The following MED27 variants were observed in gnomAD, a reference collection of about 807,000 sequenced individuals.
MED27 encodes the protein mediator complex subunit 27, also known as mediator of RNA polymerase II transcription subunit 27.
A neutral mutation model predicts 38.2 loss-of-function variants in MED27; 30 were observed. The ratio of observed to expected loss-of-function variants is 0.79; its 90% CI spans 0.59 to 1.07. The LOEUF is 1.07. Ranked by LOEUF, MED27 falls within the 50% of genes least tolerant of loss-of-function variation. MED27 has a pLI of 0.00. For missense variants in MED27, 289 were observed against 397.5 expected (o/e 0.73, Z 2.32); for synonymous variants, 122 against 153.5 (o/e 0.79, Z 1.52).
In MED27 at chr9:132,038,063, A is replaced by G. The variant is rs895074365; in HGVS notation, c.349-23596T>C. ...GTCATCTACAGCAGTACAAGCTGCT[A>G]TTCTACTTTTTTTTTTTAAGGCCCC... On this transcript the variant is annotated intron_variant, in intron 2 of 7. Coordinates refer to ENST00000292035, the MANE Select transcript of MED27 (RefSeq NM_004269.4). Among the ~76,000 whole-genome samples the G allele has an allele frequency of 3.3e-5, 5 of 151,496 alleles. No homozygotes were observed. The South Asian group carries it at 1.0e-3, about 32-fold the overall frequency.
At chr9:132,050,022 T>A (rs974340576) in intron 2 of MED27, among the ~76,000 whole-genome samples, 1 of 151,832 alleles carries the variant, frequency 6.6e-6, no homozygotes, top group South Asian at 2.1e-4. Flanking sequence ...AAATATAACA[T>A]GGGATGGGCC....
intron 3 of MED27, among the ~76,000 whole-genome samples, chr9:131,972,933 C>T (rs1374552432): frequency 6.6e-6 from 1 of 152,198 alleles, no homozygotes; most frequent in African/African-American, 2.4e-5. Context: ...CCTGTAAACC[C>T]AACTATTTCC....
At chr9:131,909,419 T>C (rs1021021422) in intron 4 of MED27, among the ~76,000 whole-genome samples, 1 of 152,150 alleles carries the variant, frequency 6.6e-6, no homozygotes, top group Non-Finnish European at 1.5e-5. Flanking sequence ...GCAGCATTAG[T>C]GTGGACTCTG....
intron 4 of MED27, among the ~76,000 whole-genome samples, chr9:131,939,012 G>A (rs1015247309): frequency 2.0e-5 from 3 of 152,132 alleles, no homozygotes; most frequent in Admixed American, 6.5e-5. Context: ...CGCGCCTGGC[G>A]AGAGTGTTTT....
chr9:132,033,690 G>A (rs369819198), intron 2 of MED27, among the ~76,000 whole-genome samples: 1 of 152,162 alleles, frequency 6.6e-6, no homozygotes, highest in East Asian at 1.9e-4. Flanking sequence ...CCTAAACTCC[G>A]GTGTGGATTT....
At chr9:131,870,238 G>T (rs1379467271) in intron 6 of MED27, among the ~76,000 whole-genome samples, 1 of 152,200 alleles carries the variant, frequency 6.6e-6, no homozygotes, top group Non-Finnish European at 1.5e-5. Flanking sequence ...GCAAGAGCTG[G>T]TCTACGCTGC....
intron 2 of MED27, chr9:132,073,743 C>A: frequency 1.3e-6 from 2 of 1,505,264 alleles, no homozygotes; most frequent in South Asian, 1.3e-5. Flanking sequence ...GTTGCTCTTT[C>A]TGTAATAAAA....
At position 131,941,959 on chromosome 9, in the gene MED27, G is replaced by A. The variant is rs188780424; in HGVS notation, c.480-2485C>T. On this transcript the variant is annotated intron_variant, in intron 3 of 7. Transcript: ENST00000292035. Reference sequence around the variant, plus strand: ...TCCTGCCTCAGCCTCCCAAGTAGCTGGGACTACAGGTGCCCGCCACCACGC... The same window carrying A: ...TCCTGCCTCAGCCTCCCAAGTAGCTAGGACTACAGGTGCCCGCCACCACGC... Among the ~76,000 whole-genome samples, 465 of 150,772 alleles carry A rather than the reference G, an allele frequency of 3.1e-3. 2 individuals carry two copies. Among genetic ancestry groups the A allele is most frequent in the African/African-American group, 0.011 (436 of 41,042 alleles).
intron 3 of MED27, among the ~76,000 whole-genome samples, chr9:131,981,852 C>A (rs1044654210): frequency 2.4e-4 from 37 of 152,318 alleles, no homozygotes; most frequent in African/African-American, 8.9e-4. Context: ...CCAGATTTGA[C>A]AACTGACTCC....
chr9:132,019,599 T>C (rs1444507350), intron 2 of MED27, among the ~76,000 whole-genome samples: 1 of 152,200 alleles, frequency 6.6e-6, no homozygotes, highest in South Asian at 2.1e-4. Flanking sequence ...CCAAAGTAGA[T>C]GCCAATCTTC....
In MED27 at chr9:131,997,889, C is replaced by T. The variant is rs1046563269; in HGVS notation, c.479+16448G>A. Among the ~76,000 whole-genome samples, 6 of 152,170 alleles carry T rather than the reference C, an allele frequency of 3.9e-5. No individual in the cohort carries two copies. Among genetic ancestry groups the T allele is most frequent in the Non-Finnish European group, 7.3e-5 (5 of 68,030 alleles). ...TTAACCAGTCCGATGGTGTTCCTTC[C>T]CTCACTGCAGACTGCTTTGGTTGGT... On this transcript the variant is annotated intron_variant, in intron 3 of 7. Coordinates refer to ENST00000292035, the MANE Select transcript of MED27 (RefSeq NM_004269.4). The surrounding 1 kb of genome is among the most constrained non-coding windows in gnomAD (Gnocchi z 4.0).
chr9:132,062,560 C>T (rs1264919554), intron 2 of MED27, among the ~76,000 whole-genome samples: 2 of 151,842 alleles, frequency 1.3e-5, no homozygotes, highest in Admixed American at 6.6e-5. Context: ...GACCACATAA[C>T]GAGCTACATT....
chr9:131,893,785 G>A (rs770857462), intron 5 of MED27, 100 bp downstream of exon 5: 43 of 781,866 alleles, frequency 5.5e-5, no homozygotes, highest in Non-Finnish European at 7.3e-5. Context: ...GATCATTTCC[G>A]CTATGATTGC....
chr9:132,051,059 C>G lies in MED27; in HGVS notation c.348+26383G>C, dbSNP rs1833454586. On this transcript the variant is annotated intron_variant, in intron 2 of 7. Transcript: ENST00000292035. This position sits in a 1 kb window ranked among gnomAD's most constrained non-coding sequence, Gnocchi z 4.2. ...ACAACTGCACATTCACCCACACACA[C>G]TGCAGCGAATGTTCTAATGGATCCA... Among the ~76,000 whole-genome samples, 1 of 152,224 alleles carries G rather than the reference C, an allele frequency of 6.6e-6. No individual in the cohort carries two copies. The highest frequency in any genetic ancestry group is 1.5e-5 in the Non-Finnish European group (1 of 68,042).
chr9:131,879,889 CA>C (rs1402780970), intron 6 of MED27, among the ~76,000 whole-genome samples: 3 of 152,244 alleles, frequency 2.0e-5, no homozygotes, highest in Non-Finnish European at 4.4e-5. Flanking sequence ...TGAGGAATAG[CA>C]AATCCTAAAA....
chr9:131,962,332 G>A (rs552580201), intron 3 of MED27, among the ~76,000 whole-genome samples: 17 of 152,306 alleles, frequency 1.1e-4, no homozygotes, highest in African/African-American at 3.8e-4. Context: ...CGCCTTCCAG[G>A]CTCAAGTCAT....
chr9:131,933,952 G>C lies in MED27; in HGVS notation c.573+5429C>G, dbSNP rs562393541. Among the ~76,000 whole-genome samples the C allele has an allele frequency of 1.4e-3, 218 of 152,236 alleles. 2 individuals carry two copies. Among genetic ancestry groups the C allele is most frequent in the South Asian group, 3.9e-3 (19 of 4,822 alleles). On this transcript the variant is annotated intron_variant, in intron 4 of 7. Coordinates refer to ENST00000292035, the MANE Select transcript of MED27 (RefSeq NM_004269.4). ...ACACATAGATCAATGGAAGACACTA[G>C]AGAGCCCAGAAACAAATCCATACGC...
chr9:131,977,953 A>G (rs1272201317), intron 3 of MED27, among the ~76,000 whole-genome samples: 4 of 152,206 alleles, frequency 2.6e-5, no homozygotes, highest in Non-Finnish European at 5.9e-5. Flanking sequence ...GCATGACTAT[A>G]TCACCTCCCT....
intron 3 of MED27, 146 bp downstream of exon 3, chr9:132,014,191 A>G: frequency 1.2e-6 from 1 of 862,408 alleles, no homozygotes; most frequent in Non-Finnish European, 1.7e-6. Context: ...CATTCCAGCC[A>G]GGGTGAAAAA....
Sources: allele counts gnomAD v4.1 joint callset (sites outside exome capture counted in the v4.1 genomes callset), GRCh38; gene constraint gnomAD v4.1.1; non-coding constraint Gnocchi (gnomAD v3.1); transcripts MANE v1.5; gene names NCBI Gene and HGNC (gene_info 2026-07-23, HGNC 2026-07-21).